Variants in GALNTL6 observed in about 807,000 individuals in gnomAD.
GALNTL6 encodes the protein polypeptide N-acetylgalactosaminyltransferase-like 6.
A neutral mutation model predicts 73.7 loss-of-function variants in GALNTL6; 46 were observed. The observed-to-expected ratio is 0.62, with a 90% CI of 0.49 to 0.80. The LOEUF is 0.80. Ranked by LOEUF, GALNTL6 falls within the 30% of genes least tolerant of loss-of-function variation. GALNTL6 has a pLI of 0.00. For synonymous variants in GALNTL6, 259 were observed against 263.7 expected (o/e 0.98, Z 0.17); for missense variants, 604 against 755.0 (o/e 0.80, Z 2.34).
At chr4:171,867,793 G>T (rs191723392) in intron 2 of GALNTL6, among the ~76,000 whole-genome samples, 8 of 152,218 alleles carry the variant, frequency 5.3e-5, no homozygotes, top group Non-Finnish European at 8.8e-5. Context: ...ATAAAATTCT[G>T]TATGATCTTG....
intron 3 of GALNTL6, among the ~76,000 whole-genome samples, chr4:172,281,399 A>C (rs1368343703): frequency 6.6e-6 from 1 of 152,020 alleles, no homozygotes; most frequent in Non-Finnish European, 1.5e-5. Flanking sequence ...TATTTCTCTT[A>C]TAAAAGACCC....
intron 5 of GALNTL6, among the ~76,000 whole-genome samples, chr4:172,355,872 T>A (rs1383246435): frequency 6.6e-6 from 1 of 152,178 alleles, no homozygotes; most frequent in Non-Finnish European, 1.5e-5. Context: ...ACATTAATGG[T>A]TGACTTTGAC....
intron 5 of GALNTL6, among the ~76,000 whole-genome samples, chr4:172,551,572 G>C (rs866948924): frequency 6.6e-5 from 10 of 152,162 alleles, no homozygotes; most frequent in Middle Eastern, 3.4e-3. Context: ...CCAAATTCCT[G>C]AAAAAGAAGA....
At chr4:171,822,085 AT>A (rs35050639) in intron 2 of GALNTL6, among the ~76,000 whole-genome samples, 16 of 151,524 alleles carry the variant, frequency 1.1e-4, no homozygotes, top group African/African-American at 2.9e-4. Context: ...CAATATAAGC[AT>A]TTTTTTTTCT....
Position 172,597,124 on chromosome 4 carries a change from G to A in GALNTL6, c.554-212237G>A, listed in dbSNP as rs117591842. On this transcript the variant is annotated intron_variant, in intron 5 of 12. Transcript: ENST00000506823. ...AATATTAGCTATCCAAATATTGCCA[G>A]ATGTAATTAATGTCCTTAAATATTG... Among the ~76,000 whole-genome samples, 116 of 152,256 alleles carry A rather than the reference G, an allele frequency of 7.6e-4. No individual in the cohort carries two copies. In the East Asian group the frequency reaches 0.01, roughly 13 times the overall value.
chr4:171,988,020 A>C (rs1740160633), intron 2 of GALNTL6, among the ~76,000 whole-genome samples: 1 of 152,174 alleles, frequency 6.6e-6, no homozygotes, highest in African/African-American at 2.4e-5. Context: ...ATGAGGAAGA[A>C]AATAGATTTT....
intron 12 of GALNTL6, among the ~76,000 whole-genome samples, chr4:173,033,882 C>T (rs1264281613): frequency 6.6e-6 from 1 of 152,158 alleles, no homozygotes; most frequent in Non-Finnish European, 1.5e-5. Flanking sequence ...GAGGGGGTAA[C>T]TCGAGTCTCC....
intron 5 of GALNTL6, among the ~76,000 whole-genome samples, chr4:172,353,363 G>C (rs1742032278): frequency 6.6e-6 from 1 of 151,960 alleles, no homozygotes. Context: ...AAAATCTCCT[G>C]TTTCTTACAT....
chr4:172,914,676 A>T (rs1747403858), intron 8 of GALNTL6, among the ~76,000 whole-genome samples: 2 of 152,258 alleles, frequency 1.3e-5, no homozygotes, highest in South Asian at 4.1e-4. Context: ...TGGTAAAGGG[A>T]TCAATTCAAC....
intron 2 of GALNTL6, among the ~76,000 whole-genome samples, chr4:171,861,075 T>G (rs1477106177): frequency 6.6e-6 from 1 of 152,148 alleles, no homozygotes; most frequent in Non-Finnish European, 1.5e-5. Flanking sequence ...CTGTCCAATA[T>G]CGTATTGTAC....
rs559315170 is a variant in GALNTL6, at chr4:172,822,739, C to A, written c.923+9016C>A. Among the ~76,000 whole-genome samples the A allele has an allele frequency of 1.1e-3, 165 of 152,274 alleles. 1 individual carries two copies. Among genetic ancestry groups the A allele is most frequent in the African/African-American group, 3.8e-3 (158 of 41,564 alleles). On this transcript the variant is annotated intron_variant, in intron 7 of 12. Transcript: ENST00000506823. ...TAGCAATGGCTGCCTATGTGTTGAACTGTGAAGTTCATGAATGGATTGATG... is the reference window on the plus strand; with the variant it reads ...TAGCAATGGCTGCCTATGTGTTGAAATGTGAAGTTCATGAATGGATTGATG...
chr4:172,893,850 T>G (rs1746180396), intron 8 of GALNTL6, among the ~76,000 whole-genome samples: 1 of 152,172 alleles, frequency 6.6e-6, no homozygotes, highest in Non-Finnish European at 1.5e-5. Context: ...CTCTGCCAAT[T>G]CAAATGTCTC....
chr4:172,735,175 C>A (rs7658530), intron 5 of GALNTL6, among the ~76,000 whole-genome samples: 1 of 152,142 alleles, frequency 6.6e-6, no homozygotes, highest in South Asian at 2.1e-4. Flanking sequence ...GGAAAAGCTG[C>A]AGACACTCAA....
intron 5 of GALNTL6, among the ~76,000 whole-genome samples, chr4:172,610,641 G>T (rs1420031079): frequency 6.6e-6 from 1 of 151,812 alleles, no homozygotes; most frequent in African/African-American, 2.4e-5. Flanking sequence ...GTATATGCAG[G>T]TGATTAGACT....
At chr4:172,306,552 G>T (rs575140018) in intron 3 of GALNTL6, among the ~76,000 whole-genome samples, 2 of 152,128 alleles carry the variant, frequency 1.3e-5, no homozygotes, top group African/African-American at 4.8e-5. Context: ...TCTGAGATTT[G>T]GGTGTACCCA....
At chr4:171,988,306 C>A (rs567736874) in intron 2 of GALNTL6, among the ~76,000 whole-genome samples, 48 of 152,168 alleles carry the variant, frequency 3.2e-4, no homozygotes, top group African/African-American at 1.1e-3. Context: ...AGGGAGAGCA[C>A]GTGTGTTTTT....
intron 5 of GALNTL6, among the ~76,000 whole-genome samples, chr4:172,594,892 C>T (rs1737793625): frequency 6.6e-6 from 1 of 152,118 alleles, no homozygotes; most frequent in Non-Finnish European, 1.5e-5. Context: ...AACAAAGTAC[C>T]ATAGGCTGAA....
At chr4:172,648,387 A>G (rs926496468) in intron 5 of GALNTL6, among the ~76,000 whole-genome samples, 8 of 152,192 alleles carry the variant, frequency 5.3e-5, no homozygotes, top group Non-Finnish European at 1.0e-4. Context: ...TGGGAACACA[A>G]GAATCTTTTA....
At chr4:172,214,624 C>T (rs1341306987) in intron 2 of GALNTL6, among the ~76,000 whole-genome samples, 1 of 151,078 alleles carries the variant, frequency 6.6e-6, no homozygotes, top group African/African-American at 2.4e-5. Flanking sequence ...AAGTGATTCT[C>T]CTGCTTCAGC....
Sources: allele counts gnomAD v4.1 joint callset (sites outside exome capture counted in the v4.1 genomes callset), GRCh38; gene constraint gnomAD v4.1.1; transcripts MANE v1.5; gene names NCBI Gene and HGNC (gene_info 2026-07-23, HGNC 2026-07-21).